The following OR14J1 variants were observed in gnomAD, a reference collection of about 807,000 sequenced individuals.
OR14J1 encodes olfactory receptor family 14 subfamily J member 1, also known as olfactory receptor 14J1.
For synonymous variants in OR14J1, 140 were observed against 146.7 expected (o/e 0.95, Z 0.33); for missense variants, 378 against 393.4 (o/e 0.96, Z 0.33).
Position 29,312,534 on chromosome 6 carries a change from G to C in OR14J1, c.*4879G>C, listed in dbSNP as rs9295801. 9.8e-3 allele frequency: 1,511 copies of C among 153,584 alleles called. 18 individuals are homozygous for C. The highest frequency in any genetic ancestry group is 0.019 in the Middle Eastern group (6 of 308). The allele number at this position is 153,584 out of a possible 1,614,324, so 9.5% of individuals were successfully genotyped here. A position where few individuals can be genotyped will look rare whatever the true frequency, so the allele number is the denominator to read the frequency against. ...GTGAGGCGATGCCCCACCCTGCTTC[G>C]GCTAGCCCTCCCTGGGCTGCACCCA... is the stretch of plus-strand genomic sequence containing the variant. On this transcript the variant is annotated 3_prime_UTR_variant, in exon 2 of 2. Coordinates refer to ENST00000641895, the MANE Select transcript of OR14J1 (RefSeq NM_030946.2).
chr6:29,309,542 C>T lies in OR14J1; in HGVS notation c.*1887C>T, dbSNP rs555425069. ...TGTTTCTCCACGTCCTCTCTAGCAT[C>T]TGTTGTTTCCTGCCTTTTTAATGAT... On this transcript the variant is annotated 3_prime_UTR_variant, in exon 2 of 2. Transcript: ENST00000641895. The T allele has an allele frequency of 6.6e-6, 1 of 152,346 alleles. No homozygotes were observed. The highest frequency in any genetic ancestry group is 1.5e-5 in the Non-Finnish European group (1 of 68,036). 9.4% of individuals were successfully genotyped at this position (152,346 alleles called of 1,614,324 possible).
At position 29,307,675 on chromosome 6, in the gene OR14J1, G is replaced by A; in HGVS notation, c.*20G>A. 5 of 1,383,770 alleles carry A rather than the reference G, an allele frequency of 3.6e-6. No homozygotes were observed. Among genetic ancestry groups the A allele is most frequent in the Non-Finnish European group, 5.0e-6 (5 of 1,008,582 alleles). 85.7% of individuals were successfully genotyped at this position (1,383,770 alleles called of 1,614,324 possible). ...CTCTGAAGAACCATACAAATGAAAG[G>A]CATTGTTATTATGTTTCAGATTGGA... On this transcript the variant is annotated 3_prime_UTR_variant, in exon 2 of 2. Transcript: ENST00000641895.
At position 29,307,341 on chromosome 6, in the gene OR14J1, C is replaced by G; in HGVS notation, c.652C>G (p.Arg218Gly). 1 of 1,613,092 alleles carries G rather than the reference C, an allele frequency of 6.2e-7. No homozygotes were observed. Among genetic ancestry groups the G allele is most frequent in the Non-Finnish European group, 8.5e-7 (1 of 1,180,036 alleles). ...CLISIVLSYIRIFSTVLRIPS... is the reference protein window; with the variant it reads ...CLISIVLSYIGIFSTVLRIPS... ...GATCTCCATTGTGCTCTCCTACATT[C>G]GCATCTTCTCTACAGTGCTGAGAAT... The change falls in exon 2 of 2, where the codon CGC becomes GGC. Residue 218 changes from arginine to glycine, a missense_variant. Transcript: ENST00000641895.
rs1488128651 is a variant in OR14J1 at position 29,309,876 on chromosome 6, G to A, written c.*2221G>A. On this transcript the variant is annotated 3_prime_UTR_variant, in exon 2 of 2. Transcript: ENST00000641895. ...TGAACCTGTAATCCCGGCTACTCAGGAGGCTGAGGCAGGAGAATCGCTTGA... is the reference window on the plus strand; with the variant it reads ...TGAACCTGTAATCCCGGCTACTCAGAAGGCTGAGGCAGGAGAATCGCTTGA... 3 of 152,262 alleles carry A rather than the reference G, an allele frequency of 2.0e-5. No individual in the cohort carries two copies. The highest frequency in any genetic ancestry group is 4.4e-5 in the Non-Finnish European group (3 of 68,104). 9.4% of individuals were successfully genotyped at this position (152,262 alleles called of 1,614,324 possible).
In OR14J1 at chr6:29,307,501, T is replaced by G. The variant is rs1227402821; in HGVS notation, c.812T>G (p.Val271Gly). The part of the protein sequence containing the change: ...PSDSSSTVDL[V>G]FSVFYTVIPP... Reference sequence around the variant, plus strand: ...GATTCCTCATCGACTGTGGACCTTGTATTCTCCGTATTCTATACTGTGATA... The same window carrying G: ...GATTCCTCATCGACTGTGGACCTTGGATTCTCCGTATTCTATACTGTGATA... Residue 271 changes from valine to glycine, a missense_variant, in exon 2 of 2, where the codon GTA becomes GGA. Coordinates refer to ENST00000641895, the MANE Select transcript of OR14J1 (RefSeq NM_030946.2). 6.2e-7 allele frequency: 1 copy of G among 1,612,906 alleles called. No individual in the cohort carries two copies. Among genetic ancestry groups the G allele is most frequent in the African/African-American group, 1.3e-5 (1 of 74,924 alleles).
intron 1 of OR14J1, among the ~76,000 whole-genome samples, chr6:29,302,826 A>G (rs1417354160): frequency 6.6e-6 from 1 of 152,244 alleles, no homozygotes; most frequent in Non-Finnish European, 1.5e-5. Flanking sequence ...GAAATACATA[A>G]AACTGAAGAA....
chr6:29,306,719 C>T lies in OR14J1; in HGVS notation c.30C>T (p.Phe10=). The T allele has an allele frequency of 1.2e-6, 2 of 1,612,516 alleles. No homozygotes were observed. Among genetic ancestry groups the T allele is most frequent in the Non-Finnish European group, 1.7e-6 (2 of 1,179,686 alleles). The change falls in exon 2 of 2, where the codon TTC becomes TTT. Residue 10 remains phenylalanine (F), a synonymous_variant. Transcript: ENST00000641895. The stretch of plus-strand genomic sequence containing the variant: ...TCAATTTGACTTCAATGAGTGGATT[C>T]CTTCTTATGGGGTTTTCTGATGAGC... MVNLTSMSG[F]LLMGFSDERK...
intron 1 of OR14J1, among the ~76,000 whole-genome samples, chr6:29,306,334 G>C (rs1427830998): frequency 1.3e-5 from 2 of 152,066 alleles, no homozygotes; most frequent in Non-Finnish European, 2.9e-5. Context: ...TAATACTAAG[G>C]CATCATATAG....
rs9257696 is a variant in OR14J1 at position 29,307,730 on chromosome 6, T to C, written c.*75T>C. On this transcript the variant is annotated 3_prime_UTR_variant, in exon 2 of 2. Transcript: ENST00000641895. ...AGGTGAATCTTATTTCTACCCAGAATGCTCTTCCAAGCTGTCTATTGTATA... is the reference window on the plus strand; with the variant it reads ...AGGTGAATCTTATTTCTACCCAGAACGCTCTTCCAAGCTGTCTATTGTATA... The C allele has an allele frequency of 0.15, 125,620 of 848,994 alleles. 9,951 individuals are homozygous for C. The highest frequency in any genetic ancestry group is 0.22 in the African/African-American group (13,167 of 59,098). 52.6% of individuals were successfully genotyped at this position (848,994 alleles called of 1,614,324 possible).
Position 29,307,247 on chromosome 6 carries a change from C to T in OR14J1, c.558C>T (p.Ala186=). ...FCDVPQMLKL[A]CSYEFINEIA... Reference sequence around the variant, plus strand: ...ATGTTCCTCAGATGCTGAAACTAGCCTGTTCTTATGAATTCATTAATGAGA... The same window carrying T: ...ATGTTCCTCAGATGCTGAAACTAGCTTGTTCTTATGAATTCATTAATGAGA... The change falls in exon 2 of 2, where the codon GCC becomes GCT. Residue 186 remains alanine, a synonymous_variant. Transcript: ENST00000641895. The T allele has an allele frequency of 6.2e-7, 1 of 1,612,980 alleles. No homozygotes were observed. Among genetic ancestry groups the T allele is most frequent in the Non-Finnish European group, 8.5e-7 (1 of 1,180,012 alleles).
At chr6:29,303,613 G>A (rs1171804800) in intron 1 of OR14J1, among the ~76,000 whole-genome samples, 1 of 151,986 alleles carries the variant, frequency 6.6e-6, no homozygotes, top group East Asian at 1.9e-4. Flanking sequence ...TAAAGAGAAG[G>A]GACATTATAA....
chr6:29,303,934 A>C (rs1774892775), intron 1 of OR14J1, among the ~76,000 whole-genome samples: 1 of 152,144 alleles, frequency 6.6e-6, no homozygotes, highest in East Asian at 1.9e-4. Context: ...GCAAGTGCAT[A>C]CTGTGGCAAA....
At position 29,309,215 on chromosome 6, in the gene OR14J1, T is replaced by A. The variant is rs1224652593; in HGVS notation, c.*1560T>A. The A allele has an allele frequency of 1.3e-5, 2 of 152,258 alleles. No homozygotes were observed. Among genetic ancestry groups the A allele is most frequent in the African/African-American group, 4.8e-5 (2 of 41,460 alleles). 9.4% of individuals were successfully genotyped at this position (152,258 alleles called of 1,614,324 possible). A position where few individuals can be genotyped will look rare whatever the true frequency, so the allele number is the denominator to read the frequency against. ...AAAGGACATGAAATCATCTTTTTTATGGCTGCATAGTATTCCATAGTATTC... is the reference window on the plus strand; with the variant it reads ...AAAGGACATGAAATCATCTTTTTTAAGGCTGCATAGTATTCCATAGTATTC... On this transcript the variant is annotated 3_prime_UTR_variant, in exon 2 of 2. Transcript: ENST00000641895.
rs61735224 is a variant in OR14J1 at position 29,307,451 on chromosome 6, C to T, written c.762C>T (p.Gly254=). Residue 254 remains glycine, a synonymous_variant, in exon 2 of 2, where the codon GGC becomes GGT. Transcript: ENST00000641895. The part of the protein sequence containing the change: ...FVATFFLSAA[G]FEFLRLPSDS... ...CCACCTTCTTTCTTTCAGCTGCAGGCTTTGAGTTTCTCAGACTGCCTTCTG... is the reference window on the plus strand; with the variant it reads ...CCACCTTCTTTCTTTCAGCTGCAGGTTTTGAGTTTCTCAGACTGCCTTCTG... 9.5e-3 allele frequency: 15,355 copies of T among 1,613,014 alleles called. 225 individuals are homozygous for T. The highest frequency in any genetic ancestry group is 0.04 in the South Asian group (3,668 of 91,086).
rs1775381378 is a variant in OR14J1 at position 29,309,822 on chromosome 6, A to C, written c.*2167A>C. 3 of 152,212 alleles carry C rather than the reference A, an allele frequency of 2.0e-5. No homozygotes were observed. In the South Asian group the frequency reaches 6.2e-4, roughly 32 times the overall value. The allele number at this position is 152,212 out of a possible 1,614,324, so 9.4% of individuals were successfully genotyped here. A position where few individuals can be genotyped will look rare whatever the true frequency, so the allele number is the denominator to read the frequency against. ...TGGTGAAACTCCATCTCAACTAAAA[A>C]TACAAACACTTAGCTGGGCATGGTG... On this transcript the variant is annotated 3_prime_UTR_variant, in exon 2 of 2. Coordinates refer to ENST00000641895, the MANE Select transcript of OR14J1 (RefSeq NM_030946.2).
Position 29,307,338 on chromosome 6 carries a change from A to G in OR14J1, c.649A>G (p.Ile217Val), listed in dbSNP as rs762734695. The G allele has an allele frequency of 6.2e-7, 1 of 1,613,068 alleles. No homozygotes were observed. Among genetic ancestry groups the G allele is most frequent in the East Asian group, 2.2e-5 (1 of 44,884 alleles). The change falls in exon 2 of 2, where the codon ATT (isoleucine) becomes GTT (valine). Residue 217 changes from isoleucine (I) to valine (V), a missense_variant. By Grantham distance (29) the Ile-to-Val change is conservative (BLOSUM62 3). Coordinates refer to ENST00000641895, the MANE Select transcript of OR14J1 (RefSeq NM_030946.2). ...TTTGATCTCCATTGTGCTCTCCTAC[A>G]TTCGCATCTTCTCTACAGTGCTGAG... ...ICLISIVLSY[I>V]RIFSTVLRIP... is the part of the protein sequence containing the mutation.
intron 1 of OR14J1, among the ~76,000 whole-genome samples, chr6:29,304,172 T>C (rs984685419): frequency 2.0e-5 from 3 of 152,082 alleles, no homozygotes; most frequent in African/African-American, 7.2e-5. Flanking sequence ...TAGAGGAAAA[T>C]AGTGAAGAAG....
intron 1 of OR14J1, 145 bp from the exon 2 acceptor site, chr6:29,306,517 G>T (rs41270640): frequency 0.031 from 19,549 of 620,848 alleles, 587 homozygotes; most frequent in East Asian, 0.12. Flanking sequence ...TTGCTAAAAC[G>T]TTTTTGAATT....
rs1187535270 is a variant in OR14J1, at chr6:29,309,758, G to C, written c.*2103G>C. ...GCATTTTAGGGGGCCGCAGCAGGCAGATCACGAGGTCAGGAGATTGAGACC... is the reference window on the plus strand; with the variant it reads ...GCATTTTAGGGGGCCGCAGCAGGCACATCACGAGGTCAGGAGATTGAGACC... On this transcript the variant is annotated 3_prime_UTR_variant, in exon 2 of 2. Transcript: ENST00000641895. 2.0e-5 allele frequency: 3 copies of C among 152,318 alleles called. No homozygotes were observed. The highest frequency in any genetic ancestry group is 2.9e-5 in the Non-Finnish European group (2 of 68,040). The allele number at this position is 152,318 out of a possible 1,614,324, so 9.4% of individuals were successfully genotyped here.
Sources: gnomAD v4.1 joint callset for allele counts (sites outside exome capture counted in the v4.1 genomes callset) on GRCh38, gnomAD v4.1.1 for gene constraint, MANE v1.5 for transcripts, NCBI Gene and HGNC (gene_info 2026-07-23, HGNC 2026-07-21) for gene names.